Variants in SYN3 observed in about 807,000 individuals in gnomAD.
The protein encoded by SYN3 is synapsin III.
SYN3 carries 35 observed loss-of-function variants against 65.8 expected under a neutral mutation model. The ratio of observed to expected loss-of-function variants is 0.53; its 90% CI spans 0.41 to 0.70. The LOEUF is 0.70. Ranked by LOEUF, SYN3 falls within the 30% of genes least tolerant of loss-of-function variation. The pLI, the probability that SYN3 is intolerant of heterozygous loss-of-function variation, is 0.00. For missense variants in SYN3, 680 were observed against 749.0 expected (o/e 0.91, Z 1.08); for synonymous variants, 270 against 292.9 (o/e 0.92, Z 0.80).
intron 4 of SYN3, among the ~76,000 whole-genome samples, chr22:32,885,583 TAG>T (rs1274625763): frequency 6.6e-6 from 1 of 151,630 alleles, no homozygotes; most frequent in Non-Finnish European, 1.5e-5. Context: ...TTTTTTGAGA[TAG>T]AGTCTCGCTC....
chr22:32,508,275 G>A lies in SYN3; in HGVS notation c.*5417C>T, dbSNP rs961082702. The stretch of plus-strand genomic sequence containing the variant: ...CTGTAAATTTCCTTCTTCTGGCTCA[G>A]AAGCTCCCGCACTGAGCACCTTGTG... On this transcript the variant is annotated 3_prime_UTR_variant, in exon 14 of 14. Transcript: ENST00000358763. 6.6e-6 allele frequency among the ~76,000 whole-genome samples: 1 copy of A among 152,094 alleles called. No homozygotes were observed. The highest frequency in any genetic ancestry group is 1.9e-4 in the East Asian group (1 of 5,174).
At chr22:32,754,399 G>T (rs916748189) in intron 6 of SYN3, among the ~76,000 whole-genome samples, 3 of 152,054 alleles carry the variant, frequency 2.0e-5, no homozygotes, top group African/African-American at 7.2e-5. Context: ...TGATCTGCCC[G>T]CCTTGGCCTC....
At chr22:32,618,070 C>T (rs1048038321) in intron 6 of SYN3, among the ~76,000 whole-genome samples, 2 of 152,078 alleles carry the variant, frequency 1.3e-5, no homozygotes, top group Non-Finnish European at 2.9e-5. Context: ...TTCTTATCCC[C>T]GGAGCCTGGC....
intron 7 of SYN3, among the ~76,000 whole-genome samples, chr22:32,566,274 C>T (rs550647029): frequency 1.3e-5 from 2 of 152,256 alleles, no homozygotes; most frequent in East Asian, 3.9e-4. Flanking sequence ...GTATTTTATA[C>T]TCAGCCTATC....
intron 6 of SYN3, among the ~76,000 whole-genome samples, chr22:32,784,467 T>C (rs1048773281): frequency 1.3e-5 from 2 of 152,180 alleles, no homozygotes; most frequent in African/African-American, 4.8e-5. Flanking sequence ...AGGAACCAAA[T>C]GTTGCCATCA....
chr22:32,775,296 T>C (rs946748383), intron 6 of SYN3, among the ~76,000 whole-genome samples: 15 of 152,120 alleles, frequency 9.9e-5, no homozygotes, highest in African/African-American at 3.6e-4. Context: ...CTAATCTAAC[T>C]ACCTCCTTAC....
At chr22:32,739,375 C>T (rs1444017265) in intron 6 of SYN3, among the ~76,000 whole-genome samples, 1 of 59,280 alleles carries the variant, frequency 1.7e-5, no homozygotes, top group Admixed American at 2.6e-4. Flanking sequence ...TTAAACCCCC[C>T]CTTTTTTTTT....
chr22:32,781,456 G>A (rs776178337), intron 6 of SYN3, among the ~76,000 whole-genome samples: 1 of 152,096 alleles, frequency 6.6e-6, no homozygotes, highest in African/African-American at 2.4e-5. Flanking sequence ...GGCCTTGGAC[G>A]AGTTACCTAA....
Position 32,528,890 on chromosome 22 carries a change from GA to G in SYN3, c.1213del (p.Ser405ProfsTer25). ...QLPMPGGTAPSPLRPWAPQIK... is the reference protein window; with the variant it reads ...QLPMPGGTAPXPLRPWAPQIK... ...GGGTCTTACCCAAGGTCTGAGGGGGGAGGGCGCTGTGCCTCCTGGCATCGGG... is the reference window on the plus strand; with the variant it reads ...GGGTCTTACCCAAGGTCTGAGGGGGGGGGCGCTGTGCCTCCTGGCATCGGG... On this transcript the variant is annotated frameshift_variant, in exon 11 of 14. Transcript: ENST00000358763. LOFTEE classifies it high-confidence loss of function. The G allele has an allele frequency of 6.2e-7, 1 of 1,614,188 alleles. No homozygotes were observed. Among genetic ancestry groups the G allele is most frequent in the Non-Finnish European group, 8.5e-7 (1 of 1,180,042 alleles).
intron 6 of SYN3, among the ~76,000 whole-genome samples, chr22:32,605,949 T>A (rs919540159): frequency 6.6e-6 from 1 of 152,202 alleles, no homozygotes; most frequent in Non-Finnish European, 1.5e-5. Flanking sequence ...AATAGGAAGA[T>A]CACTTGAATC....
At chr22:32,537,614 A>T (rs1249045662) in intron 9 of SYN3, among the ~76,000 whole-genome samples, 3 of 151,904 alleles carry the variant, frequency 2.0e-5, no homozygotes, top group African/African-American at 7.3e-5. Flanking sequence ...AGAGAAGTGG[A>T]CTCTCCAATA....
At chr22:32,724,414 A>T (rs2061161583) in intron 6 of SYN3, among the ~76,000 whole-genome samples, 1 of 152,180 alleles carries the variant, frequency 6.6e-6, no homozygotes, top group African/African-American at 2.4e-5. Context: ...AGAAGACCAG[A>T]GTTCAACAAA....
intron 1 of SYN3, among the ~76,000 whole-genome samples, chr22:33,012,712 C>T (rs1298057089): frequency 6.6e-6 from 1 of 152,224 alleles, no homozygotes; most frequent in East Asian, 1.9e-4. Flanking sequence ...GGACCTGGGG[C>T]ATCTCTTTAG....
At chr22:32,658,144 C>A (rs1160718498) in intron 6 of SYN3, among the ~76,000 whole-genome samples, 2 of 152,164 alleles carry the variant, frequency 1.3e-5, no homozygotes, top group African/African-American at 2.4e-5. Context: ...TCCATTCTTA[C>A]GGTGAACAGG....
intron 7 of SYN3, among the ~76,000 whole-genome samples, chr22:32,554,610 C>T (rs577054816): frequency 2.0e-5 from 3 of 152,252 alleles, no homozygotes; most frequent in South Asian, 4.1e-4. Context: ...CACTCCGGCT[C>T]GTACCCCTGC....
chr22:32,692,316 A>C (rs1421820432), intron 6 of SYN3, among the ~76,000 whole-genome samples: 1 of 152,206 alleles, frequency 6.6e-6, no homozygotes, highest in Middle Eastern at 3.2e-3. Flanking sequence ...TCTGAGACTC[A>C]GAGCAGCCTG....
At chr22:32,916,978 C>T (rs1419897787) in intron 4 of SYN3, among the ~76,000 whole-genome samples, 1 of 152,146 alleles carries the variant, frequency 6.6e-6, no homozygotes, top group Non-Finnish European at 1.5e-5. Flanking sequence ...TGGTCTCCCC[C>T]CAACTCTTCT....
intron 6 of SYN3, among the ~76,000 whole-genome samples, chr22:32,671,088 T>C (rs2060355091): frequency 6.6e-6 from 1 of 152,224 alleles, no homozygotes; most frequent in South Asian, 2.1e-4. Context: ...TACATATCTG[T>C]CAAGTGATGA....
rs761418930 is a variant in SYN3 at position 32,657,309 on chromosome 22, G to A, written c.712-60573C>T. On this transcript the variant is annotated intron_variant, in intron 6 of 13. Transcript: ENST00000358763. ...CGGCTGATTTTTTGTATTTTTAGTA[G>A]AGACGGGGTTTCACCATGTTAGCCA... 9.5e-4 allele frequency among the ~76,000 whole-genome samples: 145 copies of A among 152,082 alleles called. 2 individuals carry two copies. Among genetic ancestry groups the A allele is most frequent in the Non-Finnish European group, 9.4e-4 (64 of 68,014 alleles).
Sources: gnomAD v4.1 joint callset for allele counts (sites outside exome capture counted in the v4.1 genomes callset) on GRCh38, gnomAD v4.1.1 for gene constraint, MANE v1.5 for transcripts, NCBI Gene and HGNC (gene_info 2026-07-23, HGNC 2026-07-21) for gene names.